IQGAP2: variants seen among roughly 807,000 people sequenced by gnomAD.
IQGAP2 encodes the protein IQ motif containing GTPase activating protein 2.
Under a neutral mutation model 201.3 loss-of-function variants are expected in IQGAP2, and 173 were observed. The observed-to-expected ratio is 0.86, with a 90% CI of 0.76 to 0.98. The LOEUF (loss-of-function observed/expected upper bound fraction) is 0.98, where lower values mean the gene tolerates loss of function less well. IQGAP2 is among the 50% of genes least tolerant of loss of function. The pLI is 0.00. For missense variants in IQGAP2, 1,687 were observed against 1,864.8 expected, an observed-to-expected ratio of 0.90 and a Z score of 1.76; for synonymous variants, 675 against 673.9, an observed-to-expected ratio of 1.00 and a Z score of -0.03.
chr5:76,703,250 G>T (rs887010365), intron 35 of IQGAP2, among the ~76,000 whole-genome samples: 1 of 152,052 alleles, frequency 6.6e-6, no homozygotes, highest in Admixed American at 6.6e-5. Context: ...CAACCTCCTG[G>T]GCTCAAGCGA....
chr5:76,640,417 ATCTTGCC>A, intron 16 of IQGAP2, among the ~76,000 whole-genome samples: 1 of 152,218 alleles, frequency 6.6e-6, no homozygotes, highest in East Asian at 1.9e-4. Flanking sequence ...AATAGCACTT[ATCTTGCC>A]TCTCCCACCC....
chr5:76,693,606 C>T lies in IQGAP2; in HGVS notation c.3993+164C>T, dbSNP rs184569938. 2.0e-3 allele frequency among the ~76,000 whole-genome samples: 308 copies of T among 152,182 alleles called. 1 individual carries two copies. The highest frequency in any genetic ancestry group is 7.1e-3 in the African/African-American group (294 of 41,518). ...GGACTTAGTTCAGCCATATATAAAC[C>T]TGTATGAAGTATCAATGGGAATGAA... On this transcript the variant is annotated intron_variant, in intron 31 of 35. Transcript: ENST00000274364.
intron 17 of IQGAP2, among the ~76,000 whole-genome samples, chr5:76,649,622 C>T (rs150737732): frequency 6.3e-4 from 96 of 152,278 alleles, no homozygotes; most frequent in African/African-American, 2.2e-3. Flanking sequence ...CAAGGGATGG[C>T]GTTCAGTGTC....
rs191579189 is a variant in IQGAP2 at position 76,591,198 on chromosome 5, C to T, written c.819+612C>T. On this transcript the variant is annotated intron_variant, in intron 8 of 35. Coordinates refer to ENST00000274364, the MANE Select transcript of IQGAP2 (RefSeq NM_006633.5). ...TCCCCAGGAAGTGTAGAAGTAGCAA[C>T]TCATGATCATCCCTTGTTAGACATC... Among the ~76,000 whole-genome samples the T allele has an allele frequency of 1.7e-3, 264 of 152,280 alleles. 1 individual carries two copies. The highest frequency in any genetic ancestry group is 6.2e-3 in the African/African-American group (258 of 41,546).
intron 1 of IQGAP2, among the ~76,000 whole-genome samples, chr5:76,419,673 CTTTTTTTTT>C (rs57338854): frequency 7.1e-6 from 1 of 141,812 alleles, no homozygotes; most frequent in Admixed American, 7.1e-5. Flanking sequence ...CTTTTCTTTT[CTTTTTTTTT>C]TTTTGTGTTT....
At chr5:76,639,830 G>A (rs1315173410) in intron 16 of IQGAP2, among the ~76,000 whole-genome samples, 2 of 152,092 alleles carry the variant, frequency 1.3e-5, no homozygotes, top group Admixed American at 6.6e-5. Flanking sequence ...TTCAGAGGTC[G>A]TACAACTTTT....
chr5:76,470,041 TG>T (rs1229307215), intron 2 of IQGAP2, among the ~76,000 whole-genome samples: 1 of 152,162 alleles, frequency 6.6e-6, no homozygotes, highest in Admixed American at 6.5e-5. Flanking sequence ...ACAGTTCACG[TG>T]GGGCACACCC....
rs760830214 is a variant in IQGAP2, at chr5:76,562,500, C to T, written c.251C>T (p.Pro84Leu). 2.5e-6 allele frequency: 4 copies of T among 1,613,640 alleles called. No homozygotes were observed. Among genetic ancestry groups the T allele is most frequent in the African/African-American group, 1.3e-5 (1 of 74,950 alleles). Residue 84 changes from proline (P) to leucine (L), a missense_variant, in exon 3 of 36, where the codon CCG (proline) becomes CTG (leucine). Transcript: ENST00000274364. ...YLAKLAKFFA[P>L]KMVSEKKIYD... Reference sequence around the variant, plus strand: ...GCAAAGTTAGCCAAGTTCTTTGCCCCGAAAATGGTATCAGAGAAAAAGATC... The same window carrying T: ...GCAAAGTTAGCCAAGTTCTTTGCCCTGAAAATGGTATCAGAGAAAAAGATC...
At chr5:76,547,170 T>G (rs1743148421) in intron 2 of IQGAP2, among the ~76,000 whole-genome samples, 1 of 152,218 alleles carries the variant, frequency 6.6e-6, no homozygotes, top group Admixed American at 6.5e-5. Context: ...CTTTAGGCTG[T>G]AGAGGAATCA....
intron 4 of IQGAP2, among the ~76,000 whole-genome samples, chr5:76,573,379 T>A (rs1001196516): frequency 7.9e-5 from 12 of 152,226 alleles, no homozygotes; most frequent in African/African-American, 2.9e-4. Context: ...ATTCCTTCAT[T>A]TATCAATATT....
chr5:76,507,656 T>G (rs1378079705), intron 2 of IQGAP2, among the ~76,000 whole-genome samples: 2 of 152,202 alleles, frequency 1.3e-5, no homozygotes, highest in Non-Finnish European at 2.9e-5. Flanking sequence ...GATAAAAGAC[T>G]GTTTTTCAAA....
At position 76,568,242 on chromosome 5, in the gene IQGAP2, A is replaced by G. The variant is rs185096026; in HGVS notation, c.304-2338A>G. On this transcript the variant is annotated intron_variant, in intron 3 of 35. Coordinates refer to ENST00000274364, the MANE Select transcript of IQGAP2 (RefSeq NM_006633.5). ...CTGTCATTTCATTTGTTGCAGAAAT[A>G]TGACCAAGATAACCACCCTTTTCTT... Among the ~76,000 whole-genome samples the G allele has an allele frequency of 1.3e-3, 198 of 152,352 alleles. 1 individual carries two copies. The highest frequency in any genetic ancestry group is 3.6e-3 in the African/African-American group (149 of 41,592).
intron 30 of IQGAP2, among the ~76,000 whole-genome samples, chr5:76,686,341 TTGTTGTTGTTG>T (rs1482756303): frequency 6.9e-6 from 1 of 144,660 alleles, no homozygotes; most frequent in Non-Finnish European, 1.5e-5. Flanking sequence ...TCTGTTTTTT[TTGTTGTTGTTG>T]TTGTTGTTGT....
At position 76,589,830 on chromosome 5, in the gene IQGAP2, A is replaced by G. The variant is rs557954923; in HGVS notation, c.640+102A>G. 7.9e-4 allele frequency: 440 copies of G among 557,734 alleles called. 1 individual carries two copies. The highest frequency in any genetic ancestry group is 1.2e-3 in the East Asian group (36 of 30,278). The allele number at this position is 557,734 out of a possible 1,614,324, so 34.5% of individuals were successfully genotyped here. A position where few individuals can be genotyped will look rare whatever the true frequency, so the allele number is the denominator to read the frequency against. On this transcript the variant is annotated intron_variant, in intron 7 of 35. Transcript: ENST00000274364. ...AAATAGAATATTTAGAAGATACTTT[A>G]AGCACCCTAAAAGTTTTTATTATTT...
intron 2 of IQGAP2, among the ~76,000 whole-genome samples, chr5:76,553,898 C>T (rs974243156): frequency 2.0e-5 from 3 of 152,102 alleles, no homozygotes; most frequent in South Asian, 2.1e-4. Flanking sequence ...TTCTGGTTTT[C>T]GTTTCTGTGG....
At chr5:76,564,654 A>G (rs1744615890) in intron 3 of IQGAP2, among the ~76,000 whole-genome samples, 1 of 152,220 alleles carries the variant, frequency 6.6e-6, no homozygotes, top group Non-Finnish European at 1.5e-5. Flanking sequence ...ATGAATAGCA[A>G]CTTCTCTTTA....
chr5:76,681,586 C>T (rs1267345501), intron 28 of IQGAP2, among the ~76,000 whole-genome samples: 1 of 151,248 alleles, frequency 6.6e-6, no homozygotes, highest in Non-Finnish European at 1.5e-5. Context: ...AAAATGCAAC[C>T]CTTGCACCCC....
At chr5:76,628,986 A>T (rs1750475541) in intron 14 of IQGAP2, among the ~76,000 whole-genome samples, 1 of 152,230 alleles carries the variant, frequency 6.6e-6, no homozygotes, top group African/African-American at 2.4e-5. Context: ...AAATCAAACC[A>T]ATTTAGAAGG....
intron 15 of IQGAP2, among the ~76,000 whole-genome samples, chr5:76,636,736 G>A (rs1751158842): frequency 1.3e-5 from 2 of 152,136 alleles, no homozygotes; most frequent in African/African-American, 2.4e-5. Context: ...TATAATTATT[G>A]TTTGCTTTTC....
Sources: allele counts gnomAD v4.1 joint callset (sites outside exome capture counted in the v4.1 genomes callset), GRCh38; gene constraint gnomAD v4.1.1; transcripts MANE v1.5; gene names NCBI Gene and HGNC (gene_info 2026-07-23, HGNC 2026-07-21).